The following BRWD1 variants were observed in gnomAD, a reference collection of about 807,000 sequenced individuals.
BRWD1 encodes the protein bromodomain and WD repeat domain containing 1.
A neutral mutation model predicts 251.2 loss-of-function variants in BRWD1; 82 were observed. The observed-to-expected ratio is 0.33, with a 90% CI of 0.27 to 0.39. The LOEUF (loss-of-function observed/expected upper bound fraction) is 0.39, where lower values mean the gene tolerates loss of function less well. Ranked by LOEUF, BRWD1 falls within the 10% of genes least tolerant of loss-of-function variation. The pLI is 1.00. For synonymous variants in BRWD1, 918 were observed against 902.8 expected (o/e 1.02, Z -0.30); for missense variants, 2,233 against 2,711.6 (o/e 0.82, Z 3.92).
chr21:39,191,870 A>G lies in BRWD1; in HGVS notation c.*4389T>C, dbSNP rs1414949346. The G allele has an allele frequency of 2.5e-5, 25 of 984,120 alleles. No individual in the cohort carries two copies. The highest frequency in any genetic ancestry group is 2.9e-5 in the Non-Finnish European group (24 of 828,908). The allele number at this position is 984,120 out of a possible 1,614,324, so 61.0% of individuals were successfully genotyped here. On this transcript the variant is annotated 3_prime_UTR_variant, in exon 41 of 41. Transcript: ENST00000342449. ...TGAAAAAACTTACCTTAAAACTGAC[A>G]TAACTAAAATATGACCAGAAAGTAT...
chr21:39,199,627 C>T lies in BRWD1; in HGVS notation c.4789G>A (p.Ala1597Thr). 1.9e-6 allele frequency: 3 copies of T among 1,610,644 alleles called. No individual in the cohort carries two copies. The highest frequency in any genetic ancestry group is 2.2e-5 in the South Asian group (2 of 90,094). ...CTTAAATAGACTCTCTTTCGAGTGG[C>T]TTTTCTGCCACATCCATTTGCTAAT... Reference protein sequence around the residue: ...VSLANGCGRKATRKRVYLSDS... With the variant: ...VSLANGCGRKTTRKRVYLSDS... The change falls in exon 40 of 41, where the codon GCC becomes ACC. Residue 1597 changes from alanine to threonine, a missense_variant. By Grantham distance (58) the Ala-to-Thr change is moderately conservative. Around this residue, in one of 12 missense-constraint regions of BRWD1, gnomAD observed 928 missense variants for 970.0 expected, o/e 0.96. Transcript: ENST00000342449.
chr21:39,317,329 T>A (rs776718097), upstream of BRWD1: 1 of 152,226 alleles, frequency 6.6e-6, no homozygotes, highest in Non-Finnish European at 1.5e-5. Context: ...AGCTACATGG[T>A]AAGCAAGTGT....
chr21:39,240,752 T>C (rs11911709), intron 21 of BRWD1, among the ~76,000 whole-genome samples: 2,313 of 152,338 alleles, frequency 0.015, 56 homozygotes, highest in African/African-American at 0.053. Flanking sequence ...AGTGTGGGAC[T>C]ATCTGTAGTA....
intron 40 of BRWD1, among the ~76,000 whole-genome samples, chr21:39,198,449 G>C (rs1164691962): frequency 6.6e-6 from 1 of 152,030 alleles, no homozygotes; most frequent in African/African-American, 2.4e-5. Context: ...GCCCCTCTCT[G>C]CTTTATTCAA....
intron 13 of BRWD1, 74 bp downstream of exon 13, chr21:39,274,300 A>ATC: frequency 9.1e-7 from 1 of 1,100,526 alleles, no homozygotes; most frequent in Non-Finnish European, 1.4e-6. Context: ...AGAGACACAG[A>ATC]GAGCGAGAGA....
At chr21:39,306,902 G>A (rs750574296) in intron 4 of BRWD1, among the ~76,000 whole-genome samples, 4 of 152,108 alleles carry the variant, frequency 2.6e-5, no homozygotes, top group East Asian at 1.9e-4. Flanking sequence ...TGCCTAGGCC[G>A]GAGTGCAATG....
At chr21:39,315,780 C>T (rs2036691820), upstream of BRWD1, 2 of 151,422 alleles carry the variant, frequency 1.3e-5, no homozygotes, top group African/African-American at 4.9e-5. Flanking sequence ...ACAGCTTTGC[C>T]ATCAAAGACT....
intron 31 of BRWD1, chr21:39,217,011 A>AT (rs1491400949): frequency 3.5e-5 from 1 of 28,360 alleles, no homozygotes; most frequent in African/African-American, 7.6e-5. Flanking sequence ...GCTCCCACAA[A>AT]TATATATATA....
chr21:39,220,685 C>T (rs2836943), intron 29 of BRWD1, among the ~76,000 whole-genome samples: 71,622 of 151,954 alleles, frequency 0.47, 17,039 homozygotes, highest in Admixed American at 0.53. Context: ...GACATGAATG[C>T]AGTTATTATA....
chr21:39,218,280 G>C lies in BRWD1; in HGVS notation c.3539-8C>G. ...CAAAAGCTGCTGCTATATCTGTTAG[G>C]GAAGACAGGAGAGTTTTTAATCAAT... On this transcript the variant is annotated splice_polypyrimidine_tract_variant and splice_region_variant and intron_variant, in intron 30 of 40. Transcript: ENST00000342449. 1.3e-6 allele frequency: 2 copies of C among 1,595,564 alleles called. No individual in the cohort carries two copies. The highest frequency in any genetic ancestry group is 1.7e-6 in the Non-Finnish European group (2 of 1,175,144).
At chr21:39,232,100 T>C (rs2033638479) in intron 25 of BRWD1, 77 bp downstream of exon 25, 4 of 1,160,922 alleles carry the variant, frequency 3.4e-6, no homozygotes, top group South Asian at 2.7e-5. Context: ...TTCCAACAGG[T>C]TTTTAAATAG....
intron 5 of BRWD1, chr21:39,297,507 A>G (rs2035992038): frequency 1.7e-6 from 1 of 605,546 alleles, no homozygotes; most frequent in Admixed American, 6.3e-5. Context: ...CAGGCTACCA[A>G]TTAACTACCA....
At chr21:39,313,911 G>GCGCGACGCCGGGTGGCCC (rs1221473705), upstream of BRWD1, 2 of 317,350 alleles carry the variant, frequency 6.3e-6, no homozygotes, top group Non-Finnish European at 1.2e-5. Flanking sequence ...TGAGGCGGCA[G>GCGCGACGCCGGGTGGCCC]CGCGACGCCG....
intron 4 of BRWD1, among the ~76,000 whole-genome samples, chr21:39,299,963 G>A (rs1465495208): frequency 6.6e-6 from 1 of 151,852 alleles, no homozygotes; most frequent in South Asian, 2.1e-4. Flanking sequence ...CAGCCTGGGC[G>A]ACAAGAGTGA....
chr21:39,188,245 G>T lies in BRWD1; in HGVS notation c.*8014C>A, dbSNP rs949719900. The T allele has an allele frequency of 5.1e-6, 5 of 985,240 alleles. No homozygotes were observed. The highest frequency in any genetic ancestry group is 1.2e-4 in the Admixed American group (2 of 16,256). 61.0% of individuals were successfully genotyped at this position (985,240 alleles called of 1,614,324 possible). On this transcript the variant is annotated 3_prime_UTR_variant, in exon 41 of 41. Coordinates refer to ENST00000342449, the MANE Select transcript of BRWD1 (RefSeq NM_033656.4). ...AATTTTAGGTCTTTCTTGCAGCCAT[G>T]AACAGTCAAACTATCTAAAACTGCC...
upstream of BRWD1, chr21:39,314,197 G>A (rs569140265): frequency 2.6e-5 from 12 of 455,966 alleles, no homozygotes; most frequent in Admixed American, 2.3e-4. Context: ...CTCCCGCAGA[G>A]GGGAACGCCG....
At chr21:39,263,066 C>T (rs1397975038) in intron 17 of BRWD1, among the ~76,000 whole-genome samples, 1 of 152,114 alleles carries the variant, frequency 6.6e-6, no homozygotes, top group Non-Finnish European at 1.5e-5. Context: ...GATCGCACCA[C>T]TGCACTCCAG....
intron 9 of BRWD1, among the ~76,000 whole-genome samples, chr21:39,279,086 T>G (rs2035368339): frequency 6.6e-6 from 1 of 152,106 alleles, no homozygotes; most frequent in Non-Finnish European, 1.5e-5. Flanking sequence ...CAGATTTCCA[T>G]GTATTTTTAC....
intron 15 of BRWD1, among the ~76,000 whole-genome samples, chr21:39,268,417 G>C (rs1441635242): frequency 1.3e-5 from 2 of 148,680 alleles, no homozygotes; most frequent in East Asian, 3.9e-4. Context: ...CTCCAGCCTG[G>C]GCAACAAGAG....
Sources: allele counts gnomAD v4.1 joint callset (sites outside exome capture counted in the v4.1 genomes callset), GRCh38; gene constraint gnomAD v4.1.1; regional missense constraint gnomAD v4.1.1; transcripts MANE v1.5; gene names NCBI Gene and HGNC (gene_info 2026-07-23, HGNC 2026-07-21).